IGFBP7: variants seen among roughly 807,000 people sequenced by gnomAD.
IGFBP7 encodes the protein insulin-like growth factor-binding protein 7.
IGFBP7 carries 31 observed loss-of-function variants against 29.4 expected under a neutral mutation model. The ratio of observed to expected loss-of-function variants is 1.05; its 90% CI spans 0.79 to 1.42. The LOEUF (loss-of-function observed/expected upper bound fraction) is 1.42, where lower values mean the gene tolerates loss of function less well. Ranked by LOEUF, IGFBP7 falls within the 40% of genes most tolerant of loss-of-function variation. IGFBP7 has a pLI of 0.00. For synonymous variants in IGFBP7, 172 were observed against 174.9 expected (o/e 0.98, Z 0.13); for missense variants, 393 against 395.5 (o/e 0.99, Z 0.05).
intron 1 of IGFBP7, among the ~76,000 whole-genome samples, chr4:57,043,493 T>C (rs1178737519): frequency 1.3e-5 from 2 of 152,206 alleles, no homozygotes; most frequent in Admixed American, 6.5e-5. Flanking sequence ...TGCAACAGGC[T>C]ATTTCCAGCA....
Position 57,031,222 on chromosome 4 carries a change from G to T in IGFBP7, c.*95C>A. 1 of 1,024,194 alleles carries T rather than the reference G, an allele frequency of 9.8e-7. No individual in the cohort carries two copies. 63.4% of individuals were successfully genotyped at this position (1,024,194 alleles called of 1,614,324 possible). The stretch of plus-strand genomic sequence containing the variant: ...ACCAGTGAATATAACTAAAGTGTTA[G>T]TGGATTGGATTAAAAGAAACTTATT... On this transcript the variant is annotated 3_prime_UTR_variant, in exon 5 of 5. Coordinates refer to ENST00000295666, the MANE Select transcript of IGFBP7 (RefSeq NM_001553.3).
At chr4:57,043,636 T>G (rs1005402461) in intron 1 of IGFBP7, among the ~76,000 whole-genome samples, 2 of 152,192 alleles carry the variant, frequency 1.3e-5, no homozygotes, top group Non-Finnish European at 2.9e-5. Context: ...TGCAAAACAA[T>G]CAAAAGTTTG....
At chr4:57,077,450 G>C (rs1320359409) in intron 1 of IGFBP7, among the ~76,000 whole-genome samples, 1 of 152,052 alleles carries the variant, frequency 6.6e-6, no homozygotes, top group Non-Finnish European at 1.5e-5. Context: ...GCTAATTTTT[G>C]TATTTTTAGT....
chr4:57,090,148 A>G (rs1275760150), intron 1 of IGFBP7, among the ~76,000 whole-genome samples: 5 of 152,158 alleles, frequency 3.3e-5, no homozygotes, highest in African/African-American at 1.2e-4. Flanking sequence ...TAGACCAGCT[A>G]TTGTCCTTCT....
At chr4:57,083,820 T>C (rs1340828529) in intron 1 of IGFBP7, among the ~76,000 whole-genome samples, 2 of 152,242 alleles carry the variant, frequency 1.3e-5, no homozygotes, top group African/African-American at 4.8e-5. Context: ...CCAGAATAGT[T>C]CTATTTTATT....
chr4:57,089,463 T>G (rs529530477), intron 1 of IGFBP7, among the ~76,000 whole-genome samples: 1 of 152,338 alleles, frequency 6.6e-6, no homozygotes, highest in Non-Finnish European at 1.5e-5. Flanking sequence ...ATAGGACTTC[T>G]TTCCACTGAA....
chr4:57,066,038 A>G (rs1724914463), intron 1 of IGFBP7, among the ~76,000 whole-genome samples: 1 of 152,046 alleles, frequency 6.6e-6, no homozygotes, highest in African/African-American at 2.4e-5. Context: ...GTATCACTAG[A>G]GTATCTGGTT....
intron 1 of IGFBP7, among the ~76,000 whole-genome samples, chr4:57,064,689 A>G (rs996768646): frequency 1.3e-5 from 2 of 152,230 alleles, no homozygotes; most frequent in Non-Finnish European, 2.9e-5. Context: ...ATGATGGTAT[A>G]GCCAATGAAC....
chr4:57,060,330 T>C (rs1264363557), intron 1 of IGFBP7, among the ~76,000 whole-genome samples: 1 of 152,130 alleles, frequency 6.6e-6, no homozygotes, highest in African/African-American at 2.4e-5. Context: ...CCAGATCAAC[T>C]CAAAGTTACA....
At chr4:57,053,536 C>T (rs558308456) in intron 1 of IGFBP7, among the ~76,000 whole-genome samples, 26 of 152,250 alleles carry the variant, frequency 1.7e-4, no homozygotes, top group African/African-American at 1.2e-4. Context: ...ATGGTGAGCT[C>T]GCTCTGGTAA....
At chr4:57,109,766 G>C in intron 1 of IGFBP7, 111 bp downstream of exon 1, 1 of 1,296,654 alleles carries the variant, frequency 7.7e-7, no homozygotes, top group Non-Finnish European at 1.0e-6. Context: ...GGATGCCCGC[G>C]GGGGAATCGC....
intron 1 of IGFBP7, among the ~76,000 whole-genome samples, chr4:57,099,942 GC>G (rs1211429788): frequency 2.0e-5 from 3 of 152,066 alleles, no homozygotes; most frequent in Admixed American, 2.0e-4. Context: ...ACACTATGTT[GC>G]CAGGGTTGGT....
rs116044922 is a variant in IGFBP7, at chr4:57,046,731, G to A, written c.476-5798C>T. On this transcript the variant is annotated intron_variant, in intron 1 of 4. Transcript: ENST00000295666. Reference sequence around the variant, plus strand: ...CTGTTCATAGAATAAATGACTGTGCGCTGCCTCCCTCTGCCTTGTACCCAC... The same window carrying A: ...CTGTTCATAGAATAAATGACTGTGCACTGCCTCCCTCTGCCTTGTACCCAC... Among the ~76,000 whole-genome samples the A allele has an allele frequency of 8.4e-3, 1,281 of 151,824 alleles. 18 individuals are homozygous for A. Among genetic ancestry groups the A allele is most frequent in the African/African-American group, 0.03 (1,225 of 41,298 alleles).
chr4:57,067,800 G>A (rs539346685), intron 1 of IGFBP7, among the ~76,000 whole-genome samples: 6 of 151,814 alleles, frequency 4.0e-5, no homozygotes, highest in African/African-American at 9.7e-5. Flanking sequence ...ATAGACCACC[G>A]AGTATTGTAT....
chr4:57,059,429 G>C (rs1331636190), intron 1 of IGFBP7, among the ~76,000 whole-genome samples: 1 of 152,174 alleles, frequency 6.6e-6, no homozygotes. Flanking sequence ...AAAAGAATGA[G>C]ATCATGTCTT....
chr4:57,040,796 G>A (rs1321340033), intron 2 of IGFBP7, 28 bp downstream of exon 2: 5 of 1,418,372 alleles, frequency 3.5e-6, no homozygotes, highest in South Asian at 1.1e-5. Flanking sequence ...GTCAGCCTAG[G>A]ATGTCTCTTA....
intron 1 of IGFBP7, among the ~76,000 whole-genome samples, chr4:57,046,457 G>T (rs1724364758): frequency 6.6e-6 from 1 of 152,110 alleles, no homozygotes; most frequent in African/African-American, 2.4e-5. Context: ...TAAGAATAAA[G>T]AAATTTTTAG....
chr4:57,067,765 T>A (rs1724955095), intron 1 of IGFBP7, among the ~76,000 whole-genome samples: 1 of 152,106 alleles, frequency 6.6e-6, no homozygotes, highest in African/African-American at 2.4e-5. Flanking sequence ...TGATTGCTTT[T>A]TTGCAACACT....
chr4:57,104,371 C>T (rs534820921), intron 1 of IGFBP7, among the ~76,000 whole-genome samples: 2 of 152,180 alleles, frequency 1.3e-5, no homozygotes, highest in Admixed American at 6.5e-5. Context: ...AACCTGGGTC[C>T]CCTCCTCTGG....
Sources: gnomAD v4.1 joint callset for allele counts (sites outside exome capture counted in the v4.1 genomes callset) on GRCh38, gnomAD v4.1.1 for gene constraint, MANE v1.5 for transcripts, NCBI Gene and HGNC (gene_info 2026-07-23, HGNC 2026-07-21) for gene names.